The following MGAT5B variants were observed in gnomAD, a reference collection of about 807,000 sequenced individuals.
MGAT5B encodes the protein alpha-1,6-mannosylglycoprotein 6-beta-N-acetylglucosaminyltransferase B.
MGAT5B carries 54 observed loss-of-function variants against 95.1 expected under a neutral mutation model. The observed-to-expected ratio is 0.57, with a 90% CI of 0.46 to 0.71. MGAT5B has a LOEUF of 0.71. Ranked by LOEUF, MGAT5B falls within the 30% of genes least tolerant of loss-of-function variation. MGAT5B has a pLI of 0.00. For missense variants in MGAT5B, 935 were observed against 1,088.6 expected, an observed-to-expected ratio of 0.86 and a Z score of 1.99; for synonymous variants, 464 against 451.0, an observed-to-expected ratio of 1.03 and a Z score of -0.36.
At chr17:76,943,306 G>A (rs1293199852) in intron 15 of MGAT5B, among the ~76,000 whole-genome samples, 1 of 152,176 alleles carries the variant, frequency 6.6e-6, no homozygotes, top group East Asian at 1.9e-4. Context: ...GACCAGCTGA[G>A]ATTTGTGCTG....
intron 3 of MGAT5B, among the ~76,000 whole-genome samples, chr17:76,894,023 T>C (rs369597915): frequency 5.3e-5 from 8 of 152,214 alleles, no homozygotes; most frequent in African/African-American, 1.9e-4. Flanking sequence ...GGGCAGCTTT[T>C]TCTGATTGAT....
chr17:76,931,767 T>C (rs549866152), intron 10 of MGAT5B, among the ~76,000 whole-genome samples: 1 of 152,094 alleles, frequency 6.6e-6, no homozygotes, highest in Non-Finnish European at 1.5e-5. Context: ...GGTGGTCCCA[T>C]TGAGAGCTGA....
rs561067315 is a variant in MGAT5B at position 76,930,627 on chromosome 17, A to G, written c.1292-2018A>G. ...CTCTTAACCCCTCCGTGGCGGACAG[A>G]GCTTTAGCAGTCACTGCACTCCACA... On this transcript the variant is annotated intron_variant, in intron 10 of 17. Transcript: ENST00000569840. This position sits in a 1 kb window ranked among gnomAD's most constrained non-coding sequence, Gnocchi z 4.1. 6.6e-6 allele frequency among the ~76,000 whole-genome samples: 1 copy of G among 152,278 alleles called. No homozygotes were observed. Among genetic ancestry groups the G allele is most frequent in the East Asian group, 1.9e-4 (1 of 5,186 alleles).
At position 76,881,470 on chromosome 17, in the gene MGAT5B, C is replaced by T. The variant is rs142866337; in HGVS notation, c.182-681C>T. Among the ~76,000 whole-genome samples, 597 of 152,272 alleles carry T rather than the reference C, an allele frequency of 3.9e-3. 5 individuals carry two copies. Among genetic ancestry groups the T allele is most frequent in the African/African-American group, 0.014 (566 of 41,556 alleles). ...GATGGGGAAGAGATGGAGTTAGGGC[C>T]CAGAGGCCGGGCAGGAGAAGGAGGG... On this transcript the variant is annotated intron_variant, in intron 2 of 17. Transcript: ENST00000569840.
chr17:76,900,965 CTGTGTGCATGTG>C (rs1049156727), intron 3 of MGAT5B, among the ~76,000 whole-genome samples: 10 of 118,736 alleles, frequency 8.4e-5, no homozygotes, highest in South Asian at 2.4e-4. Context: ...GTGTGCACGC[CTGTGTGCATGTG>C]TGTGTGCATG....
chr17:76,905,000 C>CGGGCAGGGCTCCCT (rs1461222068), intron 6 of MGAT5B, among the ~76,000 whole-genome samples, 169 bp from the exon 7 acceptor site: 1 of 152,150 alleles, frequency 6.6e-6, no homozygotes, highest in Non-Finnish European at 1.5e-5. Context: ...GTTGACAGGG[C>CGGGCAGGGCTCCCT]GGGCAGGGCT....
At chr17:76,947,662 C>T (rs993656985) in intron 16 of MGAT5B, among the ~76,000 whole-genome samples, 168 bp from the exon 17 acceptor site, 7 of 152,218 alleles carry the variant, frequency 4.6e-5, no homozygotes, top group South Asian at 2.1e-4. Flanking sequence ...TCTGGAGACA[C>T]GAGTGTCCAT....
chr17:76,886,846 C>T (rs2084044970), intron 3 of MGAT5B, among the ~76,000 whole-genome samples: 1 of 152,104 alleles, frequency 6.6e-6, no homozygotes, highest in African/African-American at 2.4e-5. Flanking sequence ...GAGTTCGAGA[C>T]CAGCCTGGCC....
intron 2 of MGAT5B, among the ~76,000 whole-genome samples, chr17:76,881,777 C>T (rs1243506727): frequency 6.6e-6 from 1 of 152,216 alleles, no homozygotes; most frequent in Admixed American, 6.5e-5. Flanking sequence ...CAGTGCTGGG[C>T]CTTTTCTGCC....
At chr17:76,932,511 C>T in intron 10 of MGAT5B, 134 bp from the exon 11 acceptor site, 1 of 1,311,288 alleles carries the variant, frequency 7.6e-7, no homozygotes, top group Non-Finnish European at 1.0e-6. Flanking sequence ...TACACCCTCC[C>T]CACCGCACCC....
At chr17:76,896,777 T>C (rs1311486520) in intron 3 of MGAT5B, among the ~76,000 whole-genome samples, 1 of 152,200 alleles carries the variant, frequency 6.6e-6, no homozygotes, top group Non-Finnish European at 1.5e-5. Context: ...GACCCAGCGC[T>C]TGAAACTCAA....
intron 4 of MGAT5B, 60 bp from the exon 5 acceptor site, chr17:76,903,243 C>T (rs1395837128): frequency 2.9e-6 from 4 of 1,376,848 alleles, no homozygotes. Flanking sequence ...CGCACGCAGG[C>T]CTCCCTCCCT....
At chr17:76,921,370 C>T (rs1208712359) in intron 8 of MGAT5B, among the ~76,000 whole-genome samples, 1 of 152,240 alleles carries the variant, frequency 6.6e-6, no homozygotes, top group Non-Finnish European at 1.5e-5. Context: ...TAATATTCCT[C>T]CCTTTCTTCT....
chr17:76,883,665 G>T (rs138708167), intron 3 of MGAT5B, among the ~76,000 whole-genome samples: 1 of 152,294 alleles, frequency 6.6e-6, no homozygotes, highest in African/African-American at 2.4e-5. Context: ...TTATATATTG[G>T]GGTTCTTTGT....
chr17:76,931,596 G>A (rs59885816), intron 10 of MGAT5B, among the ~76,000 whole-genome samples: 34,663 of 152,102 alleles, frequency 0.23, 4,266 homozygotes, highest in Admixed American at 0.3. Flanking sequence ...TCAAAGGTGC[G>A]GTGGGAGAGA....
Position 76,930,148 on chromosome 17 carries a change from C to T in MGAT5B, c.1292-2497C>T, listed in dbSNP as rs1448855675. The stretch of plus-strand genomic sequence containing the variant: ...GAAAGAACTCCAGGCTTCCAGGGCT[C>T]CTCCTGACCCTCCCAAAGCTCTAGA... On this transcript the variant is annotated intron_variant, in intron 10 of 17. Coordinates refer to ENST00000569840, the MANE Select transcript of MGAT5B (RefSeq NM_001199172.2). The surrounding 1 kb of genome is among the most constrained non-coding windows in gnomAD (Gnocchi z 4.1). Among the ~76,000 whole-genome samples, 1 of 152,124 alleles carries T rather than the reference C, an allele frequency of 6.6e-6. No individual in the cohort carries two copies. The highest frequency in any genetic ancestry group is 1.9e-4 in the East Asian group (1 of 5,178).
rs183386566 is a variant in MGAT5B, at chr17:76,946,542, G to C, written c.1923+92G>C. The C allele has an allele frequency of 3.5e-3, 3,884 of 1,117,638 alleles. 13 individuals carry two copies. Among genetic ancestry groups the C allele is most frequent in the Non-Finnish European group, 4.3e-3 (3,503 of 817,700 alleles). 69.2% of individuals were successfully genotyped at this position (1,117,638 alleles called of 1,614,324 possible). ...ATTGTCTGCCCAGGGCCCTGCACCC[G>C]TGAAACCATCCAACTCCCTGCTCCC... On this transcript the variant is annotated intron_variant, in intron 16 of 17. Transcript: ENST00000569840.
intron 1 of MGAT5B, chr17:76,872,512 G>A (rs959888867): frequency 3.0e-6 from 2 of 657,914 alleles, no homozygotes; most frequent in African/African-American, 1.8e-5. Flanking sequence ...CTCAGGTGAT[G>A]CTGACTGCTC....
intron 11 of MGAT5B, among the ~76,000 whole-genome samples, 180 bp from the exon 12 acceptor site, chr17:76,933,112 G>C (rs1202967199): frequency 6.6e-6 from 1 of 152,228 alleles, no homozygotes; most frequent in South Asian, 2.1e-4. Context: ...GGTCAGGCTA[G>C]ACTTGGGAGT....
Sources: gnomAD v4.1 joint callset for allele counts (sites outside exome capture counted in the v4.1 genomes callset) on GRCh38, gnomAD v4.1.1 for gene constraint, Gnocchi (gnomAD v3.1) non-coding constraint, MANE v1.5 for transcripts, NCBI Gene and HGNC (gene_info 2026-07-23, HGNC 2026-07-21) for gene names.